SPG11: variants seen among roughly 807,000 people sequenced by gnomAD.
SPG11 encodes spatacsin.
Under a neutral mutation model 274.0 loss-of-function variants are expected in SPG11, and 222 were observed. The observed-to-expected ratio is 0.81, with a 90% CI of 0.73 to 0.91. SPG11 has a LOEUF of 0.91. Among genes scored for constraint, SPG11 ranks in the 40% least tolerant of loss-of-function variants. The pLI, the probability that SPG11 is intolerant of heterozygous loss-of-function variation, is 0.00. For missense variants in SPG11, 3,114 were observed against 2,872.7 expected, an observed-to-expected ratio of 1.08 and a Z score of -1.92; for synonymous variants, 1,144 against 1,039.7, an observed-to-expected ratio of 1.10 and a Z score of -1.93.
At position 44,636,952 on chromosome 15, in the gene SPG11, A is replaced by C. The variant is rs1251117167; in HGVS notation, c.1603-3315T>G. Reference sequence around the variant, plus strand: ...AAAAAAAAAAAAAAAAAAAAAAAAAAAAAAACAAAAAAAAAACACAAATGT... The same window carrying C: ...AAAAAAAAAAAAAAAAAAAAAAAAACAAAAACAAAAAAAAAACACAAATGT... On this transcript the variant is annotated intron_variant, in intron 7 of 39. Coordinates refer to ENST00000261866, the MANE Select transcript of SPG11 (RefSeq NM_025137.4). Among the ~76,000 whole-genome samples, 7 of 127,448 alleles carry C rather than the reference A, an allele frequency of 5.5e-5. 1 individual carries two copies. The highest frequency in any genetic ancestry group is 5.4e-4 in the South Asian group (2 of 3,732). The allele number at this position is 127,448 out of a possible 152,430, so 83.6% of individuals were successfully genotyped here. A position where few individuals can be genotyped will look rare whatever the true frequency, so the allele number is the denominator to read the frequency against.
rs972296653 is a variant in SPG11 at position 44,562,884 on chromosome 15, T to G, written c.*237A>C. ...CCTGAGGAAGAGGAAGCTTTTGATC[T>G]TAATACTAGTATCTATATAAAATGG... On this transcript the variant is annotated 3_prime_UTR_variant, in exon 40 of 40. Transcript: ENST00000261866. 6.0e-6 allele frequency: 3 copies of G among 496,850 alleles called. No homozygotes were observed. Among genetic ancestry groups the G allele is most frequent in the African/African-American group, 5.8e-5 (3 of 51,858 alleles). The allele number at this position is 496,850 out of a possible 1,614,324, so 30.8% of individuals were successfully genotyped here.
chr15:44,599,182 A>G (rs1187011696), intron 21 of SPG11, among the ~76,000 whole-genome samples: 1 of 152,248 alleles, frequency 6.6e-6, no homozygotes, highest in Non-Finnish European at 1.5e-5. Flanking sequence ...ACTACGAAGA[A>G]TATCAATGCC....
At chr15:44,604,484 G>A (rs936619993) in intron 20 of SPG11, among the ~76,000 whole-genome samples, 10 of 152,138 alleles carry the variant, frequency 6.6e-5, no homozygotes, top group African/African-American at 9.7e-5. Context: ...TGGAGACTGC[G>A]TATAAGAGAA....
chr15:44,659,710 T>C (rs1431732116), intron 2 of SPG11, among the ~76,000 whole-genome samples: 2 of 152,192 alleles, frequency 1.3e-5, no homozygotes, highest in Non-Finnish European at 2.9e-5. Context: ...AGTCAACAGC[T>C]CTATAAGCAG....
intron 7 of SPG11, among the ~76,000 whole-genome samples, chr15:44,637,041 T>C (rs1478133490): frequency 6.6e-6 from 1 of 151,834 alleles, no homozygotes; most frequent in Non-Finnish European, 1.5e-5. Context: ...TACTAATTTT[T>C]GAAGTTTTTC....
At chr15:44,629,463 A>G in intron 8 of SPG11, 75 bp from the exon 9 acceptor site, 2 of 1,441,830 alleles carry the variant, frequency 1.4e-6, no homozygotes, top group Non-Finnish European at 1.9e-6. Flanking sequence ...CAAAAATATC[A>G]TGTTACAATA....
rs778917968 is a variant in SPG11 at position 44,657,331 on chromosome 15, G to T, written c.668-35C>A. ...AGAGTTAAAAGAAAATGCCAGTTTT[G>T]TAAGTATGCCTAACTATTTAAAGCA... On this transcript the variant is annotated intron_variant, in intron 3 of 39. Transcript: ENST00000261866. The T allele has an allele frequency of 2.5e-6, 4 of 1,589,262 alleles. No individual in the cohort carries two copies. The East Asian group carries it at 6.7e-5, about 27-fold the overall frequency.
intron 1 of SPG11, 88 bp downstream of exon 1, chr15:44,663,303 G>A (rs1022601145): frequency 1.3e-6 from 2 of 1,521,828 alleles, no homozygotes; most frequent in Middle Eastern, 1.8e-4. Context: ...ATGGCTGCAG[G>A]GAGGCCTCGG....
At chr15:44,612,008 C>T (rs2141007973) in intron 17 of SPG11, among the ~76,000 whole-genome samples, 1 of 151,778 alleles carries the variant, frequency 6.6e-6, no homozygotes, top group East Asian at 1.9e-4. Context: ...ACGGGGTTTC[C>T]CCGTGTTAGC....
intron 30 of SPG11, among the ~76,000 whole-genome samples, chr15:44,579,178 CAAA>C (rs1239125202): frequency 6.7e-6 from 1 of 150,008 alleles, no homozygotes; most frequent in Non-Finnish European, 1.5e-5. Flanking sequence ...AACAAGAAAA[CAAA>C]AAAACCCAAA....
At chr15:44,638,325 T>C (rs1303103323) in intron 7 of SPG11, among the ~76,000 whole-genome samples, 2 of 152,102 alleles carry the variant, frequency 1.3e-5, no homozygotes, top group Non-Finnish European at 2.9e-5. Flanking sequence ...CTAGGCATGG[T>C]GGCAGGCGCC....
chr15:44,637,095 CAA>C (rs2084300787), intron 7 of SPG11, among the ~76,000 whole-genome samples: 1 of 151,438 alleles, frequency 6.6e-6, no homozygotes, highest in African/African-American at 2.4e-5. Context: ...AAAAACAATG[CAA>C]AATAGTAATT....
Position 44,598,300 on chromosome 15 carries a change from AC to A in SPG11, c.3965del (p.Gly1322ValfsTer11). 3 of 1,614,030 alleles carry A rather than the reference AC, an allele frequency of 1.9e-6. No homozygotes were observed. Among genetic ancestry groups the A allele is most frequent in the Non-Finnish European group, 2.5e-6 (3 of 1,179,910 alleles). On this transcript the variant is annotated frameshift_variant, in exon 23 of 40. Transcript: ENST00000261866. LOFTEE classifies it high-confidence loss of function. ...CCTGTTGCTGAATGCTGTTCCATGT[AC>A]CTTCTTCTAAGAGAACAAGCAATTC... ...TEELLVLLEEGTWNSIQQQEI... is the reference protein window; with the variant it reads ...TEELLVLLEEXTWNSIQQQEI...
Position 44,655,280 on chromosome 15 carries a change from A to AT in SPG11, c.869+1814dup, listed in dbSNP as rs565473429. 1.4e-4 allele frequency among the ~76,000 whole-genome samples: 22 copies of AT among 152,226 alleles called. No individual in the cohort carries two copies. In the East Asian group the frequency reaches 4.2e-3, roughly 29 times the overall value. On this transcript the variant is annotated intron_variant, in intron 4 of 39. Coordinates refer to ENST00000261866, the MANE Select transcript of SPG11 (RefSeq NM_025137.4). Reference sequence around the variant, plus strand: ...CTGTCTCTAAAATAATAACAACATAATTTTTTAAAAGTGATTTCTTGTGGT... The same window carrying AT: ...CTGTCTCTAAAATAATAACAACATAATTTTTTTAAAAGTGATTTCTTGTGGT...
At chr15:44,589,706 TAC>T (rs1218830078) in intron 27 of SPG11, among the ~76,000 whole-genome samples, 1 of 152,254 alleles carries the variant, frequency 6.6e-6, no homozygotes, top group Non-Finnish European at 1.5e-5. Flanking sequence ...GAATGCTAAC[TAC>T]AGAGTTAATG....
chr15:44,600,433 T>C (rs2083154872), intron 21 of SPG11, 34 bp downstream of exon 21: 5 of 1,612,404 alleles, frequency 3.1e-6, no homozygotes, highest in Admixed American at 3.3e-5. Flanking sequence ...TGTGAACCAC[T>C]GTACCCAGAC....
chr15:44,593,380 C>T (rs1282529921), intron 26 of SPG11, among the ~76,000 whole-genome samples: 1 of 152,144 alleles, frequency 6.6e-6, no homozygotes, highest in Non-Finnish European at 1.5e-5. Flanking sequence ...TTTGTAGAGA[C>T]GGGGTTCACT....
rs1005288370 is a variant in SPG11 at position 44,596,643 on chromosome 15, C to T, written c.4161+141G>A. The T allele has an allele frequency of 1.1e-5, 8 of 713,172 alleles. No homozygotes were observed. The Admixed American group carries it at 1.5e-4, about 13-fold the overall frequency. 44.2% of individuals were successfully genotyped at this position (713,172 alleles called of 1,614,324 possible). On this transcript the variant is annotated intron_variant, in intron 24 of 39. Coordinates refer to ENST00000261866, the MANE Select transcript of SPG11 (RefSeq NM_025137.4). ...TCATATGAAACAAAAGCCCATGTATCCAGTACGTATCCTGGTCAAAAAAAA... is the reference window on the plus strand; with the variant it reads ...TCATATGAAACAAAAGCCCATGTATTCAGTACGTATCCTGGTCAAAAAAAA...
chr15:44,610,900 C>CA lies in SPG11; in HGVS notation c.3230dup (p.Leu1077PhefsTer26). 6.2e-7 allele frequency: 1 copy of CA among 1,613,794 alleles called. No homozygotes were observed. The highest frequency in any genetic ancestry group is 8.5e-7 in the Non-Finnish European group (1 of 1,179,896). On this transcript the variant is annotated frameshift_variant, in exon 18 of 40. Coordinates refer to ENST00000261866, the MANE Select transcript of SPG11 (RefSeq NM_025137.4). LOFTEE classifies it high-confidence loss of function. ...CAAGGGCCAGGAGGGTATGTCCTTC[C>CA]AATAGCATACTGCTTACACTGGCCT...
Sources: gnomAD v4.1 joint callset for allele counts (sites outside exome capture counted in the v4.1 genomes callset) on GRCh38, gnomAD v4.1.1 for gene constraint, MANE v1.5 for transcripts, NCBI Gene and HGNC (gene_info 2026-07-23, HGNC 2026-07-21) for gene names.